The following PEX5L variants were observed in gnomAD, a reference collection of about 807,000 sequenced individuals.
The protein encoded by PEX5L is peroxisomal biogenesis factor 5 like.
PEX5L carries 30 observed loss-of-function variants against 84.0 expected under a neutral mutation model. That is an observed-to-expected ratio of 0.36 (90% CI 0.27 to 0.48). The LOEUF is 0.48. Ranked by LOEUF, PEX5L falls within the 20% of genes least tolerant of loss-of-function variation. The pLI is 0.99. For synonymous variants in PEX5L, 270 were observed against 283.1 expected (o/e 0.95, Z 0.46); for missense variants, 533 against 754.6 (o/e 0.71, Z 3.44).
At chr3:180,026,751 C>A (rs986400226) in intron 1 of PEX5L, among the ~76,000 whole-genome samples, 1 of 152,170 alleles carries the variant, frequency 6.6e-6, no homozygotes, top group African/African-American at 2.4e-5. Context: ...TTCCTTTCAA[C>A]TCTTATCTCT....
chr3:179,946,509 CTG>C (rs1300594062), intron 2 of PEX5L, among the ~76,000 whole-genome samples: 1 of 152,100 alleles, frequency 6.6e-6, no homozygotes, highest in African/African-American at 2.4e-5. Context: ...AGATGAGAAA[CTG>C]TTAGAATAGA....
chr3:180,021,676 G>A (rs577158328), intron 1 of PEX5L, among the ~76,000 whole-genome samples: 5 of 152,290 alleles, frequency 3.3e-5, no homozygotes, highest in South Asian at 4.1e-4. Context: ...TAGGCCTTAC[G>A]GAAGTTGGTA....
intron 2 of PEX5L, among the ~76,000 whole-genome samples, chr3:179,922,789 G>A (rs1477620955): frequency 6.6e-6 from 1 of 151,774 alleles, no homozygotes; most frequent in Non-Finnish European, 1.5e-5. Context: ...TCTGTTTGAA[G>A]GACAAAATAT....
chr3:180,023,610 T>C (rs999501473), intron 1 of PEX5L, among the ~76,000 whole-genome samples: 3 of 152,136 alleles, frequency 2.0e-5, no homozygotes, highest in Non-Finnish European at 2.9e-5. Context: ...CTGATAATAA[T>C]AGAATCCTAG....
At chr3:179,969,151 G>A (rs925040682) in intron 2 of PEX5L, among the ~76,000 whole-genome samples, 1 of 152,018 alleles carries the variant, frequency 6.6e-6, no homozygotes, top group African/African-American at 2.4e-5. Context: ...GAAATTAGGA[G>A]ACTTCTGCCC....
intron 1 of PEX5L, among the ~76,000 whole-genome samples, chr3:180,015,891 TTATA>T (rs1191031702): frequency 8.6e-6 from 1 of 116,760 alleles, no homozygotes; most frequent in Non-Finnish European, 1.7e-5. Context: ...ATTTAATATA[TTATA>T]TATAATGTAT....
chr3:180,032,149 A>C (rs1791522040), intron 1 of PEX5L, among the ~76,000 whole-genome samples: 1 of 152,246 alleles, frequency 6.6e-6, no homozygotes, highest in African/African-American at 2.4e-5. Context: ...TTGCATGTGA[A>C]TATACAGGAA....
At chr3:180,003,393 G>GA (rs890086894) in intron 1 of PEX5L, among the ~76,000 whole-genome samples, 20 of 143,768 alleles carry the variant, frequency 1.4e-4, no homozygotes, top group Non-Finnish European at 2.1e-4. Flanking sequence ...CTAAAAAAAA[G>GA]AAAAAAAAAG....
chr3:179,838,371 C>G (rs1250304273), intron 8 of PEX5L, among the ~76,000 whole-genome samples: 1 of 152,098 alleles, frequency 6.6e-6, no homozygotes, highest in Non-Finnish European at 1.5e-5. Context: ...CTGATATGTC[C>G]TCAAAACACA....
chr3:179,852,420 T>C lies in PEX5L; in HGVS notation c.822+6642A>G, dbSNP rs185112286. On this transcript the variant is annotated intron_variant, in intron 8 of 14. Transcript: ENST00000467460. ...CACCATGACTTCCACTTTATTCTATTTATGAGAAGTGAGTCACTAAGTCCA... is the reference window on the plus strand; with the variant it reads ...CACCATGACTTCCACTTTATTCTATCTATGAGAAGTGAGTCACTAAGTCCA... Among the ~76,000 whole-genome samples the C allele has an allele frequency of 7.9e-5, 12 of 152,268 alleles. No individual in the cohort carries two copies. The East Asian group carries it at 2.3e-3, about 29-fold the overall frequency.
At chr3:179,902,389 C>T (rs771209484) in intron 2 of PEX5L, among the ~76,000 whole-genome samples, 3 of 152,234 alleles carry the variant, frequency 2.0e-5, no homozygotes, top group Admixed American at 1.3e-4. Flanking sequence ...AGATTTGGGG[C>T]GGCAGCCACT....
intron 4 of PEX5L, chr3:179,881,317 A>T (rs1754101877): frequency 6.6e-6 from 1 of 152,150 alleles, no homozygotes; most frequent in Admixed American, 6.6e-5. Context: ...AACCATTCCT[A>T]TGGGATCTTT....
chr3:179,937,592 T>C (rs1250705796), intron 2 of PEX5L, among the ~76,000 whole-genome samples: 1 of 152,198 alleles, frequency 6.6e-6, no homozygotes, highest in Non-Finnish European at 1.5e-5. Flanking sequence ...TAGTTCCAAC[T>C]ACACAGAACC....
chr3:179,902,000 C>G (rs1036427747), intron 2 of PEX5L: 1 of 152,274 alleles, frequency 6.6e-6, no homozygotes, highest in Non-Finnish European at 1.5e-5. Context: ...GTAGAACCAC[C>G]AGATGCTTCA....
At chr3:179,853,461 A>G (rs536243105) in intron 8 of PEX5L, among the ~76,000 whole-genome samples, 2 of 152,294 alleles carry the variant, frequency 1.3e-5, no homozygotes, top group African/African-American at 4.8e-5. Context: ...CAGATGAAGC[A>G]TAATTCTCTG....
chr3:179,870,454 G>C (rs949460695), intron 7 of PEX5L, among the ~76,000 whole-genome samples: 1 of 138,190 alleles, frequency 7.2e-6, no homozygotes, highest in Non-Finnish European at 1.6e-5. Context: ...TCCTCGGGGA[G>C]ATGGATTTGA....
intron 1 of PEX5L, among the ~76,000 whole-genome samples, chr3:179,975,979 G>A (rs1000445435): frequency 6.6e-6 from 1 of 152,196 alleles, no homozygotes; most frequent in African/African-American, 2.4e-5. Context: ...GTAGGTGTCT[G>A]TATCTAAGAA....
intron 2 of PEX5L, among the ~76,000 whole-genome samples, chr3:179,899,656 T>C (rs1760636192): frequency 6.6e-6 from 1 of 152,184 alleles, no homozygotes; most frequent in South Asian, 2.1e-4. Context: ...AGGCAGCTTT[T>C]CTTTATGAGA....
At chr3:179,895,909 A>C (rs1388880985) in intron 3 of PEX5L, among the ~76,000 whole-genome samples, 2 of 152,188 alleles carry the variant, frequency 1.3e-5, no homozygotes, top group East Asian at 1.9e-4. Flanking sequence ...AGCATCTGGC[A>C]TTGACATACC....
Sources: allele counts gnomAD v4.1 joint callset (sites outside exome capture counted in the v4.1 genomes callset), GRCh38; gene constraint gnomAD v4.1.1; transcripts MANE v1.5; gene names NCBI Gene and HGNC (gene_info 2026-07-23, HGNC 2026-07-21).